VIL1: variants seen among roughly 807,000 people sequenced by gnomAD.
VIL1 encodes the protein villin-1.
In VIL1, 86 loss-of-function variants were observed where a neutral mutation model predicts 104.0. That is an observed-to-expected ratio of 0.83 (90% CI 0.69 to 0.99). The LOEUF (loss-of-function observed/expected upper bound fraction) is 0.99, where lower values mean the gene tolerates loss of function less well. VIL1 is among the 50% of genes least tolerant of loss of function. The pLI, the probability that VIL1 is intolerant of heterozygous loss-of-function variation, is 0.00. For synonymous variants in VIL1, 394 were observed against 412.6 expected, an observed-to-expected ratio of 0.95 and a Z score of 0.55; for missense variants, 944 against 1,054.1, an observed-to-expected ratio of 0.90 and a Z score of 1.45.
chr2:218,449,167 TGAGG>T (rs1689422484), intron 19 of VIL1, 52 bp from the exon 20 acceptor site: 1 of 1,305,130 alleles, frequency 7.7e-7, no homozygotes, highest in Non-Finnish European at 1.1e-6. Context: ...TGCCTGAGGG[TGAGG>T]GAGGAAGGAA....
chr2:218,429,375 C>G lies in VIL1; in HGVS notation c.658C>G (p.Pro220Ala), dbSNP rs1689055583. 1 of 1,614,104 alleles carries G rather than the reference C, an allele frequency of 6.2e-7. No individual in the cohort carries two copies. The highest frequency in any genetic ancestry group is 2.2e-5 in the East Asian group (1 of 44,876). The change falls in exon 7 of 20, where the codon CCG (proline) becomes GCG (alanine). Residue 220 changes from proline (P) to alanine (A), a missense_variant. Coordinates refer to ENST00000248444, the MANE Select transcript of VIL1 (RefSeq NM_007127.3). The part of the protein sequence containing the change: ...VVDGENELAS[P>A]KLMEVMNHVL... Reference sequence around the variant, plus strand: ...GGACGGAGAGAATGAATTGGCATCCCCGAAGCTGATGGAGGTGATGAACCA... The same window carrying G: ...GGACGGAGAGAATGAATTGGCATCCGCGAAGCTGATGGAGGTGATGAACCA...
Position 218,432,096 on chromosome 2 carries a change from A to C in VIL1, c.1254A>C (p.Leu418=). The C allele has an allele frequency of 6.2e-7, 1 of 1,614,082 alleles. No individual in the cohort carries two copies. The highest frequency in any genetic ancestry group is 1.3e-5 in the African/African-American group (1 of 75,012). The part of the protein sequence containing the change: ...LELVPVDSKW[L]GHFYGGDCYL... ...TGGTACCTGTGGATTCCAAGTGGCT[A>C]GGCCACTTCTATGGGGGCGACTGCT... is the stretch of plus-strand genomic sequence containing the variant. The change falls in exon 12 of 20, where the codon CTA becomes CTC. Residue 418 remains leucine, a synonymous_variant. Coordinates refer to ENST00000248444, the MANE Select transcript of VIL1 (RefSeq NM_007127.3).
At position 218,449,757 on chromosome 2, in the gene VIL1, T is replaced by C. The variant is rs183784573; in HGVS notation, c.*421T>C. 3 of 175,940 alleles carry C rather than the reference T, an allele frequency of 1.7e-5. No homozygotes were observed. Among genetic ancestry groups the C allele is most frequent in the African/African-American group, 7.1e-5 (3 of 42,416 alleles). The allele number at this position is 175,940 out of a possible 1,614,324, so 10.9% of individuals were successfully genotyped here. A position where few individuals can be genotyped will look rare whatever the true frequency, so the allele number is the denominator to read the frequency against. On this transcript the variant is annotated 3_prime_UTR_variant, in exon 20 of 20. Coordinates refer to ENST00000248444, the MANE Select transcript of VIL1 (RefSeq NM_007127.3). ...TTACATCTTCCCCAGAGTAACAGCT[T>C]TTCCTTTTCACATATACTTTCCTTA...
rs118032074 is a variant in VIL1 at position 218,426,937 on chromosome 2, C to T, written c.348-1028C>T. Among the ~76,000 whole-genome samples, 1,321 of 152,126 alleles carry T rather than the reference C, an allele frequency of 8.7e-3. 46 individuals are homozygous for T. Among genetic ancestry groups the T allele is most frequent in the East Asian group, 0.082 (423 of 5,170 alleles). On this transcript the variant is annotated intron_variant, in intron 4 of 19. Transcript: ENST00000248444. ...TTTTAATATATATATTTTGTAGAGA[C>T]GAAGGTCTTGCTCTGTTGCCCAGGC...
rs1010228966 is a variant in VIL1, at chr2:218,429,682, G to A, written c.849+7G>A. 5.0e-6 allele frequency: 8 copies of A among 1,613,934 alleles called. No individual in the cohort carries two copies. The African/African-American group carries it at 9.3e-5, about 19-fold the overall frequency. On this transcript the variant is annotated splice_region_variant and intron_variant, in intron 8 of 19. Coordinates refer to ENST00000248444, the MANE Select transcript of VIL1 (RefSeq NM_007127.3). ...GGACCTGCTCAGTCACGAGGTAAGA[G>A]GGTCTGGAGACCCCTCAGCCTACTG... is the stretch of plus-strand genomic sequence containing the variant.
At chr2:218,447,394 T>G (rs979591945) in intron 19 of VIL1, among the ~76,000 whole-genome samples, 1 of 152,228 alleles carries the variant, frequency 6.6e-6, no homozygotes, top group African/African-American at 2.4e-5. Flanking sequence ...CTTGGCTTAC[T>G]GCAACCTCTG....
intron 4 of VIL1, 68 bp from the exon 5 acceptor site, chr2:218,427,897 C>A: frequency 1.3e-6 from 2 of 1,486,916 alleles, no homozygotes; most frequent in Non-Finnish European, 1.9e-6. Context: ...GCAGCCAGGA[C>A]CTGGGAGAAC....
chr2:218,447,027 G>C (rs1257805432), intron 19 of VIL1, among the ~76,000 whole-genome samples: 1 of 152,148 alleles, frequency 6.6e-6, no homozygotes, highest in East Asian at 1.9e-4. Context: ...GCCTCCCAAA[G>C]TGTTGGGATT....
chr2:218,422,356 G>A (rs115024932), intron 1 of VIL1, among the ~76,000 whole-genome samples: 168 of 152,298 alleles, frequency 1.1e-3, no homozygotes, highest in Non-Finnish European at 2.2e-3. Context: ...ACCCAACCTG[G>A]TTCTGCTGGA....
Position 218,438,133 on chromosome 2 carries a change from A to C in VIL1, c.2161-525A>C, listed in dbSNP as rs564662802. Among the ~76,000 whole-genome samples the C allele has an allele frequency of 2.6e-5, 4 of 152,076 alleles. No homozygotes were observed. In the East Asian group the frequency reaches 7.7e-4, roughly 29 times the overall value. Reference sequence around the variant, plus strand: ...TTAGTTATCACCTTTCCCTCACCTCAAGTGTGTGCTGGCTTCTCTCTCAGC... The same window carrying C: ...TTAGTTATCACCTTTCCCTCACCTCCAGTGTGTGCTGGCTTCTCTCTCAGC... On this transcript the variant is annotated intron_variant, in intron 17 of 19. Coordinates refer to ENST00000248444, the MANE Select transcript of VIL1 (RefSeq NM_007127.3).
chr2:218,446,660 T>C (rs1398802489), intron 19 of VIL1, among the ~76,000 whole-genome samples: 1 of 151,862 alleles, frequency 6.6e-6, no homozygotes, highest in Non-Finnish European at 1.5e-5. Context: ...AGTTGAAAGC[T>C]GACAAGAGGG....
chr2:218,436,192 A>G (rs1001983516), intron 15 of VIL1, among the ~76,000 whole-genome samples: 1 of 152,150 alleles, frequency 6.6e-6, no homozygotes, highest in Non-Finnish European at 1.5e-5. Flanking sequence ...GTTCAAAAGC[A>G]AAAGGGCATG....
chr2:218,423,101 A>C (rs1476735293), intron 1 of VIL1, among the ~76,000 whole-genome samples: 2 of 152,186 alleles, frequency 1.3e-5, no homozygotes, highest in African/African-American at 4.8e-5. Context: ...TACAGGTCCA[A>C]GCAAAAAGGG....
chr2:218,432,668 G>A, intron 12 of VIL1, 125 bp from the exon 13 acceptor site: 2 of 1,264,076 alleles, frequency 1.6e-6, no homozygotes, highest in South Asian at 1.4e-5. Context: ...AGTGGAGTTT[G>A]GTGGGGAAGA....
chr2:218,426,235 A>G (rs540155709), intron 4 of VIL1, among the ~76,000 whole-genome samples: 1 of 151,814 alleles, frequency 6.6e-6, no homozygotes, highest in East Asian at 1.9e-4. Flanking sequence ...ACTAAAAACC[A>G]AGACCGACAG....
Position 218,428,290 on chromosome 2 carries a change from A to G in VIL1, c.520A>G (p.Ile174Val), listed in dbSNP as rs1380089257. The G allele has an allele frequency of 2.5e-6, 4 of 1,614,070 alleles. No homozygotes were observed. Among genetic ancestry groups the G allele is most frequent in the Non-Finnish European group, 3.4e-6 (4 of 1,180,034 alleles). ...DVFLLDLGKL[I>V]IQWNGPESTR... ...TTTCCTCCTGGACCTTGGGAAGCTT[A>G]TCATCCAGTGGAATGGACCGGAAAG... Residue 174 changes from isoleucine (I) to valine (V), a missense_variant, in exon 6 of 20, where the codon ATC becomes GTC. Transcript: ENST00000248444.
intron 15 of VIL1, 25 bp from the exon 16 acceptor site, chr2:218,436,457 G>T (rs781449566): frequency 6.2e-7 from 1 of 1,608,178 alleles, no homozygotes; most frequent in Admixed American, 1.7e-5. Context: ...CCTTCTGCCA[G>T]TACAATCTTC....
At position 218,449,297 on chromosome 2, in the gene VIL1, G is replaced by A; in HGVS notation, c.2445G>A (p.Trp815Ter). The A allele has an allele frequency of 1.9e-6, 3 of 1,613,926 alleles. No individual in the cohort carries two copies. Among genetic ancestry groups the A allele is most frequent in the Non-Finnish European group, 2.5e-6 (3 of 1,179,932 alleles). ...TPAAFSALPR[W>*]KQQNLKKEKG... ...CTGCCTTCTCTGCTCTGCCTCGATG[G>A]AAGCAACAAAACCTCAAGAAAGAAA... is the stretch of plus-strand genomic sequence containing the variant. Residue 815 changes from tryptophan (W) to a stop codon, truncating the protein, a stop_gained, in exon 20 of 20, where the codon TGG (tryptophan) becomes TGA (stop). Coordinates refer to ENST00000248444, the MANE Select transcript of VIL1 (RefSeq NM_007127.3). LOFTEE classifies it high-confidence loss of function.
chr2:218,428,297 A>G lies in VIL1; in HGVS notation c.527A>G (p.Gln176Arg), dbSNP rs1315133227. ...CTGGACCTTGGGAAGCTTATCATCC[A>G]GTGGAATGGACCGGAAAGCACCCGT... The part of the protein sequence containing the change: ...FLLDLGKLII[Q>R]WNGPESTRME... The change falls in exon 6 of 20, where the codon CAG (glutamine) becomes CGG (arginine). Residue 176 changes from glutamine to arginine, a missense_variant. Physicochemically the swap from Gln to Arg is conservative, Grantham distance 43 (BLOSUM62 1). Coordinates refer to ENST00000248444, the MANE Select transcript of VIL1 (RefSeq NM_007127.3). 1.9e-6 allele frequency: 3 copies of G among 1,614,210 alleles called. No homozygotes were observed. The highest frequency in any genetic ancestry group is 2.5e-6 in the Non-Finnish European group (3 of 1,180,036).
Sources: gnomAD v4.1 joint callset for allele counts (sites outside exome capture counted in the v4.1 genomes callset) on GRCh38, gnomAD v4.1.1 for gene constraint, MANE v1.5 for transcripts, NCBI Gene and HGNC (gene_info 2026-07-23, HGNC 2026-07-21) for gene names.